Variants in LIN7A observed in about 807,000 individuals in gnomAD.
LIN7A encodes lin-7 cell polarity scaffold A, also known as protein lin-7 homolog A.
LIN7A carries 25 observed loss-of-function variants against 29.8 expected under a neutral mutation model. That is an observed-to-expected ratio of 0.84 (90% CI 0.61 to 1.17). The LOEUF is 1.17. Ranked by LOEUF, LIN7A falls within the 50% of genes most tolerant of loss-of-function variation. The pLI is 0.00. For missense variants in LIN7A, 239 were observed against 287.0 expected (o/e 0.83, Z 1.21); for synonymous variants, 118 against 107.5 (o/e 1.10, Z -0.60).
intron 4 of LIN7A, among the ~76,000 whole-genome samples, chr12:80,828,148 T>A (rs577143064): frequency 5.9e-5 from 9 of 152,334 alleles, no homozygotes; most frequent in African/African-American, 2.2e-4. Context: ...TAAATTGATA[T>A]AGGCTTTTTG....
At chr12:80,900,697 T>C (rs1053433072) in intron 1 of LIN7A, among the ~76,000 whole-genome samples, 7 of 152,192 alleles carry the variant, frequency 4.6e-5, no homozygotes. Flanking sequence ...GATTTTAGAG[T>C]ATGTGTTATG....
rs1285108805 is a variant in LIN7A at position 80,937,793 on chromosome 12, G to A, written c.-71C>T. ...GGGTGGAGAGGGAAGACGGAAAGGA[G>A]GGGGAGGAGGGGGAAGGAAGGAAGG... On this transcript the variant is annotated 5_prime_UTR_variant, in exon 1 of 6. Coordinates refer to ENST00000552864, the MANE Select transcript of LIN7A (RefSeq NM_004664.4). 5 of 886,386 alleles carry A rather than the reference G, an allele frequency of 5.6e-6. No homozygotes were observed. The highest frequency in any genetic ancestry group is 1.8e-5 in the African/African-American group (1 of 56,660). The allele number at this position is 886,386 out of a possible 1,614,324, so 54.9% of individuals were successfully genotyped here.
chr12:80,927,808 G>A (rs1218402418), intron 1 of LIN7A, among the ~76,000 whole-genome samples: 2 of 151,980 alleles, frequency 1.3e-5, no homozygotes, highest in South Asian at 2.1e-4. Context: ...TGCTGCACCC[G>A]TCAACTCGTC....
At chr12:80,869,149 A>AAAAT (rs573502038) in intron 2 of LIN7A, among the ~76,000 whole-genome samples, 3 of 145,468 alleles carry the variant, frequency 2.1e-5, no homozygotes, top group African/African-American at 7.6e-5. Flanking sequence ...TAAATAAATA[A>AAAAT]ATATATATAT....
intron 2 of LIN7A, among the ~76,000 whole-genome samples, chr12:80,855,927 C>T (rs1269923290): frequency 6.6e-6 from 1 of 152,096 alleles, no homozygotes; most frequent in Non-Finnish European, 1.5e-5. Flanking sequence ...CTGGCAGCCA[C>T]ATATAAATTT....
At chr12:80,876,349 T>G (rs1565911328) in intron 2 of LIN7A, among the ~76,000 whole-genome samples, 1 of 152,134 alleles carries the variant, frequency 6.6e-6, no homozygotes, top group African/African-American at 2.4e-5. Flanking sequence ...GCAATAAAGG[T>G]AAATATCTTT....
chr12:80,866,276 AAGT>A (rs1250784098), intron 2 of LIN7A, among the ~76,000 whole-genome samples: 2 of 152,240 alleles, frequency 1.3e-5, no homozygotes, highest in Non-Finnish European at 2.9e-5. Context: ...ACTCTATCAA[AAGT>A]AGTAGGTACT....
At chr12:80,845,284 T>C (rs140634967) in intron 4 of LIN7A, among the ~76,000 whole-genome samples, 1,888 of 151,792 alleles carry the variant, frequency 0.012, 33 homozygotes, top group African/African-American at 0.042. Context: ...CTTTTTCATA[T>C]GTGTTATTAT....
chr12:80,793,355 G>C lies in LIN7A; in HGVS notation c.*4372C>G, dbSNP rs1368963471. The C allele has an allele frequency of 3.3e-5, 5 of 152,164 alleles. No homozygotes were observed. Among genetic ancestry groups the C allele is most frequent in the Non-Finnish European group, 5.9e-5 (4 of 68,016 alleles). The allele number at this position is 152,164 out of a possible 1,614,324, so 9.4% of individuals were successfully genotyped here. A position where few individuals can be genotyped will look rare whatever the true frequency, so the allele number is the denominator to read the frequency against. On this transcript the variant is annotated 3_prime_UTR_variant, in exon 6 of 6. Transcript: ENST00000552864. ...CACTGGGGTATAACCGTGGTTTATA[G>C]ATAAACTAAGCAGCATTTTTGAGCA... is the stretch of plus-strand genomic sequence containing the variant.
intron 4 of LIN7A, among the ~76,000 whole-genome samples, chr12:80,830,944 C>A (rs1297063906): frequency 6.6e-6 from 1 of 152,180 alleles, no homozygotes; most frequent in East Asian, 1.9e-4. Flanking sequence ...GCCATAGCAT[C>A]CCCTAGCCTC....
chr12:80,842,837 A>G lies in LIN7A; in HGVS notation c.483+2893T>C, dbSNP rs577080338. ...TGGTCAATATTAGGCATTGTTAAAG[A>G]GCACATAACTTACTTTTAAACAGTT... is the stretch of plus-strand genomic sequence containing the variant. On this transcript the variant is annotated intron_variant, in intron 4 of 5. Transcript: ENST00000552864. 2.6e-5 allele frequency among the ~76,000 whole-genome samples: 4 copies of G among 152,278 alleles called. No homozygotes were observed. The East Asian group carries it at 7.7e-4, about 29-fold the overall frequency.
chr12:80,801,363 A>C (rs915123932), intron 5 of LIN7A, among the ~76,000 whole-genome samples: 2 of 152,174 alleles, frequency 1.3e-5, no homozygotes, highest in African/African-American at 4.8e-5. Context: ...ATGCAATGTG[A>C]GAAGGATTCC....
At chr12:80,914,326 C>CGG (rs2120825750) in intron 1 of LIN7A, among the ~76,000 whole-genome samples, 1 of 152,256 alleles carries the variant, frequency 6.6e-6, no homozygotes, top group East Asian at 1.9e-4. Flanking sequence ...TTTGTTTAAC[C>CGG]CAGTGTTTGG....
At chr12:80,889,413 T>G (rs752904699) in intron 1 of LIN7A, 44 bp from the exon 2 acceptor site, 1 of 1,197,022 alleles carries the variant, frequency 8.4e-7, no homozygotes, top group East Asian at 2.3e-5. Context: ...GAATAAATTG[T>G]ATCTCATCAG....
chr12:80,833,024 G>A (rs1872445964), intron 4 of LIN7A, among the ~76,000 whole-genome samples: 1 of 152,128 alleles, frequency 6.6e-6, no homozygotes, highest in Admixed American at 6.6e-5. Context: ...TCAAGGGTGA[G>A]AAATCCTGGT....
At chr12:80,836,407 A>C (rs1397142129) in intron 4 of LIN7A, among the ~76,000 whole-genome samples, 1 of 152,220 alleles carries the variant, frequency 6.6e-6, no homozygotes, top group Non-Finnish European at 1.5e-5. Context: ...CTGTAATCCC[A>C]GCACTTTGGA....
intron 1 of LIN7A, among the ~76,000 whole-genome samples, chr12:80,915,037 G>C (rs920636669): frequency 6.6e-6 from 1 of 150,932 alleles, no homozygotes; most frequent in Non-Finnish European, 1.5e-5. Context: ...TACACAGCAA[G>C]AGAAACCATC....
intron 2 of LIN7A, among the ~76,000 whole-genome samples, chr12:80,861,710 C>T (rs965062734): frequency 6.6e-6 from 1 of 152,218 alleles, no homozygotes; most frequent in South Asian, 2.1e-4. Context: ...AGGAGCTCTG[C>T]TCATAACCTG....
intron 1 of LIN7A, among the ~76,000 whole-genome samples, chr12:80,908,783 A>G (rs1052451718): frequency 5.3e-5 from 8 of 151,940 alleles, no homozygotes; most frequent in African/African-American, 1.7e-4. Flanking sequence ...TCACCTGTAT[A>G]TCTTCTTTAG....
Sources: allele counts gnomAD v4.1 joint callset (sites outside exome capture counted in the v4.1 genomes callset), GRCh38; gene constraint gnomAD v4.1.1; transcripts MANE v1.5; gene names NCBI Gene and HGNC (gene_info 2026-07-23, HGNC 2026-07-21).